The following ZAN variants were observed in gnomAD, a reference collection of about 807,000 sequenced individuals.
ZAN encodes zonadhesin (gene/pseudogene).
ZAN carries 260 observed loss-of-function variants against 286.2 expected under a neutral mutation model. That is an observed-to-expected ratio of 0.91 (90% CI 0.82 to 1.01). The LOEUF (loss-of-function observed/expected upper bound fraction) is 1.01. Among genes scored for constraint, ZAN ranks in the 50% least tolerant of loss-of-function variants. The probability of loss-of-function intolerance (pLI) is 0.00; values close to 1 mark genes in which losing one functional copy is unlikely to be tolerated. For synonymous variants in ZAN, 1,368 were observed against 1,417.5 expected, an observed-to-expected ratio of 0.97 and a Z score of 0.79; for missense variants, 3,410 against 3,639.2, an observed-to-expected ratio of 0.94 and a Z score of 1.62.
chr7:100,752,681 TCCCCACAGAAAAACCCACCA>T lies in ZAN; in HGVS notation c.2577_2596del (p.Pro860LeufsTer24). ...ACCATCTCCACAGAAAAACCCACCA[TCCCCACAGAAAAACCCACCA>T]TCTCCCCAGAAAAACTCACCATCCC... is the stretch of plus-strand genomic sequence containing the variant. On this transcript the variant is annotated frameshift_variant, in exon 14 of 48. Transcript: ENST00000613979. LOFTEE classifies it high-confidence loss of function. 1 of 1,540,274 alleles carries T rather than the reference TCCCCACAGAAAAACCCACCA, an allele frequency of 6.5e-7. No individual in the cohort carries two copies. The highest frequency in any genetic ancestry group is 8.8e-7 in the Non-Finnish European group (1 of 1,133,280).
chr7:100,743,384 A>T (rs934903265), intron 7 of ZAN, among the ~76,000 whole-genome samples: 3 of 151,502 alleles, frequency 2.0e-5, no homozygotes, highest in Non-Finnish European at 4.4e-5. Flanking sequence ...CTCCCTGTGC[A>T]CTCAGCTGAG....
At chr7:100,777,856 T>G (rs1330347440) in intron 34 of ZAN, among the ~76,000 whole-genome samples, 3 of 151,336 alleles carry the variant, frequency 2.0e-5, no homozygotes, top group Non-Finnish European at 4.4e-5. Flanking sequence ...CCCCCCAAAG[T>G]GCTGGGATTA....
rs374844629 is a variant in ZAN, at chr7:100,736,625, C to G, written c.249C>G (p.Asn83Lys). 1.3e-6 allele frequency: 2 copies of G among 1,522,236 alleles called. No homozygotes were observed. The highest frequency in any genetic ancestry group is 3.5e-5 in the Admixed American group (2 of 57,476). The allele number at this position is 1,522,236 out of a possible 1,614,324, so 94.3% of individuals were successfully genotyped here. The change falls in exon 4 of 48, where the codon AAC becomes AAG. Residue 83 changes from asparagine (N) to lysine (K), a missense_variant. Asn to Lys is a moderately conservative substitution (Grantham distance 94). Transcript: ENST00000613979. The part of the protein sequence containing the change: ...GSTGAPGGYP[N>K]GEGSYLHMES... ...CCGGGGCCCCCGGGGGGTACCCTAA[C>G]GGAGGTGAGGGGCTATGGTTTCCAG...
rs111852807 is a variant in ZAN at position 100,766,891 on chromosome 7, A to G, written c.4613-119A>G. The stretch of plus-strand genomic sequence containing the variant: ...CAACCACACTTCCTAGGGAAACACC[A>G]CATCTGTGGGTGGGCCGTGGGGACC... On this transcript the variant is annotated intron_variant, in intron 24 of 47. Transcript: ENST00000613979. 30 of 1,527,392 alleles carry G rather than the reference A, an allele frequency of 2.0e-5. No individual in the cohort carries two copies. In the Middle Eastern group the frequency reaches 9.8e-4, roughly 50 times the overall value. The allele number at this position is 1,527,392 out of a possible 1,614,324, so 94.6% of individuals were successfully genotyped here. A position where few individuals can be genotyped will look rare whatever the true frequency, so the allele number is the denominator to read the frequency against.
In ZAN at chr7:100,786,088, G is replaced by C. The variant is rs1209865552; in HGVS notation, c.6926G>C (p.Gly2309Ala). Reference sequence around the variant, plus strand: ...TGCGGGGACTTCCGATGCCCCTCTGGGTCCCACTGCCAGCTCACTTCCGAC... The same window carrying C: ...TGCGGGGACTTCCGATGCCCCTCTGCGTCCCACTGCCAGCTCACTTCCGAC... ...IQCGDFRCPS[G>A]SHCQLTSDNS... Residue 2309 changes from glycine to alanine, a missense_variant, in exon 37 of 48, where the codon GGG becomes GCG. By Grantham distance (60) the Gly-to-Ala change is moderately conservative. This residue lies in a region of ZAN where 1,289 missense variants were observed against 1,314.3 expected (regional missense o/e 0.98). Coordinates refer to ENST00000613979, the MANE Select transcript of ZAN (RefSeq NM_003386.3). The C allele has an allele frequency of 2.5e-6, 4 of 1,614,014 alleles. No homozygotes were observed. Among genetic ancestry groups the C allele is most frequent in the African/African-American group, 1.3e-5 (1 of 75,068 alleles).
intron 7 of ZAN, among the ~76,000 whole-genome samples, chr7:100,738,909 C>CCT (rs1807525270): frequency 3.6e-4 from 1 of 2,814 alleles, no homozygotes; most frequent in Non-Finnish European, 7.1e-4. Flanking sequence ...CTCCCTCTCC[C>CCT]TCTCCCTCTC....
Position 100,736,846 on chromosome 7 carries a change from C to A in ZAN, c.291C>A (p.His97Gln), listed in dbSNP as rs1234072083. Residue 97 changes from histidine to glutamine, a missense_variant, in exon 5 of 48, where the codon CAC becomes CAA. His to Gln is a conservative substitution (Grantham distance 24). Around this residue, in one of 7 missense-constraint regions of ZAN, gnomAD observed 872 missense variants for 938.9 expected, o/e 0.93. Coordinates refer to ENST00000613979, the MANE Select transcript of ZAN (RefSeq NM_003386.3). ...SYLHMESNSF[H>Q]RGGVARLLSP... The stretch of plus-strand genomic sequence containing the variant: ...TGCATATGGAATCGAACAGCTTCCA[C>A]CGTGGGGGAGTGGCCCGCCTGCTCA... 2.7e-6 allele frequency: 4 copies of A among 1,482,472 alleles called. 1 individual carries two copies. Among genetic ancestry groups the A allele is most frequent in the Non-Finnish European group, 3.7e-6 (4 of 1,087,030 alleles). The allele number at this position is 1,482,472 out of a possible 1,614,324, so 91.8% of individuals were successfully genotyped here.
At chr7:100,759,964 A>AAGGAGCTGGGATT in intron 18 of ZAN, 119 bp downstream of exon 18, 1 of 1,422,286 alleles carries the variant, frequency 7.0e-7, no homozygotes, top group Non-Finnish European at 9.3e-7. Context: ...CTGCAATCCC[A>AAGGAGCTGGGATT]GCTCCTTGGG....
At chr7:100,735,569 G>T in intron 2 of ZAN, 151 bp from the exon 3 acceptor site, 1 of 559,218 alleles carries the variant, frequency 1.8e-6, no homozygotes, top group Non-Finnish European at 3.0e-6. Flanking sequence ...AAAAAGAAAA[G>T]AAAAAAAGAA....
chr7:100,744,344 A>G (rs1190096198), intron 7 of ZAN, among the ~76,000 whole-genome samples: 1 of 150,482 alleles, frequency 6.6e-6, no homozygotes, highest in African/African-American at 2.5e-5. Context: ...CATGCCTGTA[A>G]TCCCAGCACT....
chr7:100,752,258 C>T lies in ZAN; in HGVS notation c.2153C>T (p.Thr718Ile), dbSNP rs757692829. 1 of 1,592,928 alleles carries T rather than the reference C, an allele frequency of 6.3e-7. No homozygotes were observed. Among genetic ancestry groups the T allele is most frequent in the African/African-American group, 1.4e-5 (1 of 72,944 alleles). ...EKPTISPEKP[T>I]IPTEKPTIPT... is the part of the protein sequence containing the mutation. ...CCCACCATCTCCCCAGAAAAACCCA[C>T]CATCCCCACAGAAAAACCCACCATC... Residue 718 changes from threonine (T) to isoleucine (I), a missense_variant, in exon 14 of 48, where the codon ACC (threonine) becomes ATC (isoleucine). By Grantham distance (89) the Thr-to-Ile change is moderately conservative. Transcript: ENST00000613979.
At chr7:100,756,698 G>GT (rs552977730) in intron 15 of ZAN, among the ~76,000 whole-genome samples, 9,750 of 140,172 alleles carry the variant, frequency 0.07, 367 homozygotes, top group Middle Eastern at 0.13. Flanking sequence ...ATTCACTTTT[G>GT]TTTTTTTTTT....
chr7:100,776,358 G>A (rs934743417), intron 33 of ZAN, 82 bp from the exon 34 acceptor site: 48 of 1,476,818 alleles, frequency 3.3e-5, no homozygotes, highest in East Asian at 1.0e-4. Flanking sequence ...AACTGCTCTC[G>A]TGAGGGAAGG....
chr7:100,773,655 C>T lies in ZAN; in HGVS notation c.5635-66C>T, dbSNP rs1210736513. ...GGGCAGATGCTGCACCCAGCTTCAA[C>T]TGGGGCGTTGGCCCATCTCCCAATT... On this transcript the variant is annotated intron_variant, in intron 30 of 47. Transcript: ENST00000613979. 65 of 1,566,316 alleles carry T rather than the reference C, an allele frequency of 4.1e-5. 1 individual carries two copies. Among genetic ancestry groups the T allele is most frequent in the South Asian group, 2.1e-4 (18 of 85,366 alleles).
rs1584595373 is a variant in ZAN, at chr7:100,767,170, G to A, written c.4773G>A (p.Gly1591=). 1.2e-6 allele frequency: 2 copies of A among 1,613,744 alleles called. No individual in the cohort carries two copies. The highest frequency in any genetic ancestry group is 2.2e-5 in the East Asian group (1 of 44,852). The change falls in exon 25 of 48, where the codon GGG becomes GGA. Residue 1591 remains glycine, a synonymous_variant. Transcript: ENST00000613979. ...FVVSATNENR[G]GILEVSYIKA... ...TGAGCGCCACCAACGAGAACCGCGG[G>A]GGGATCCTGGAGGTCTCCTACATCA...
At chr7:100,759,635 C>T in intron 17 of ZAN, 86 bp from the exon 18 acceptor site, 2 of 1,343,100 alleles carry the variant, frequency 1.5e-6, no homozygotes, top group South Asian at 1.8e-5. Context: ...GCTCATCTCT[C>T]CCTGCGGCGC....
rs558894387 is a variant in ZAN at position 100,734,394 on chromosome 7, C to T, written c.53+173C>T. On this transcript the variant is annotated intron_variant, in intron 2 of 47. Coordinates refer to ENST00000613979, the MANE Select transcript of ZAN (RefSeq NM_003386.3). ...CAGCACTTTGGGAGGCTGAGGTGGG[C>T]AGATCACGAGGTCAGGAGATCGAGA... Among the ~76,000 whole-genome samples the T allele has an allele frequency of 4.3e-5, 6 of 140,276 alleles. 3 individuals are homozygous for T. The South Asian group carries it at 1.3e-3, about 31-fold the overall frequency. The allele number at this position is 140,276 out of a possible 152,430, so 92.0% of individuals were successfully genotyped here. A position where few individuals can be genotyped will look rare whatever the true frequency, so the allele number is the denominator to read the frequency against.
intron 27 of ZAN, 129 bp downstream of exon 27, chr7:100,768,850 G>A: frequency 1.4e-6 from 1 of 733,514 alleles, no homozygotes. Context: ...GCAGGAAACT[G>A]GCAATCTCTC....
chr7:100,771,545 C>A lies in ZAN; in HGVS notation c.5249-299C>A, dbSNP rs560722203. ...CTCCTGGGTTCAAGAGATTCTCCTG[C>A]CCCAACCTCCCGAGTTGCCTGGACT... On this transcript the variant is annotated intron_variant, in intron 28 of 47. Transcript: ENST00000613979. Among the ~76,000 whole-genome samples, 3 of 152,038 alleles carry A rather than the reference C, an allele frequency of 2.0e-5. No individual in the cohort carries two copies. The South Asian group carries it at 6.2e-4, about 32-fold the overall frequency.
Sources: allele counts gnomAD v4.1 joint callset (sites outside exome capture counted in the v4.1 genomes callset), GRCh38; gene constraint gnomAD v4.1.1; regional missense constraint gnomAD v4.1.1; transcripts MANE v1.5; gene names NCBI Gene and HGNC (gene_info 2026-07-23, HGNC 2026-07-21).